ASIC2: variants seen among roughly 807,000 people sequenced by gnomAD.
The protein encoded by ASIC2 is acid-sensing ion channel 2.
ASIC2 carries 25 observed loss-of-function variants against 57.3 expected under a neutral mutation model. The ratio of observed to expected loss-of-function variants is 0.44; its 90% CI spans 0.32 to 0.61. The LOEUF is 0.61. Ranked by LOEUF, ASIC2 falls within the 20% of genes least tolerant of loss-of-function variation. ASIC2 has a pLI of 0.06. For synonymous variants in ASIC2, 319 were observed against 307.5 expected, an observed-to-expected ratio of 1.04 and a Z score of -0.39; for missense variants, 641 against 738.1, an observed-to-expected ratio of 0.87 and a Z score of 1.52.
chr17:34,055,476 C>T (rs1228941673), intron 1 of ASIC2, among the ~76,000 whole-genome samples: 4 of 152,096 alleles, frequency 2.6e-5, no homozygotes, highest in Non-Finnish European at 5.9e-5. Flanking sequence ...CTAATTTTGA[C>T]AAATGAAACT....
In ASIC2 at chr17:33,208,724, A is replaced by T. The variant is rs555559303; in HGVS notation, c.708+82684T>A. On this transcript the variant is annotated intron_variant, in intron 1 of 9. Coordinates refer to ENST00000225823, the MANE Select transcript of ASIC2 (RefSeq NM_183377.2). Reference sequence around the variant, plus strand: ...ACTTGTTCTCTATGTAAAATGCAGGATCTATGAAAGACATGATCAGTCTTG... The same window carrying T: ...ACTTGTTCTCTATGTAAAATGCAGGTTCTATGAAAGACATGATCAGTCTTG... Among the ~76,000 whole-genome samples the T allele has an allele frequency of 4.6e-5, 7 of 152,180 alleles. No individual in the cohort carries two copies. The East Asian group carries it at 1.4e-3, about 29-fold the overall frequency.
At chr17:33,357,730 T>C (rs1251473252) in intron 1 of ASIC2, among the ~76,000 whole-genome samples, 1 of 152,202 alleles carries the variant, frequency 6.6e-6, no homozygotes, top group Non-Finnish European at 1.5e-5. Flanking sequence ...GCCCTGAGTA[T>C]GTATGTGGAG....
chr17:33,463,604 G>A (rs1912714160), intron 1 of ASIC2, among the ~76,000 whole-genome samples: 1 of 152,180 alleles, frequency 6.6e-6, no homozygotes, highest in South Asian at 2.1e-4. Flanking sequence ...CATGCAATCT[G>A]CCTGCGTGAG....
chr17:33,278,696 T>A (rs991800171), intron 1 of ASIC2, among the ~76,000 whole-genome samples: 10 of 152,160 alleles, frequency 6.6e-5, no homozygotes, highest in African/African-American at 2.4e-4. Flanking sequence ...CCCTGGCCTA[T>A]GATCGTTTGC....
intron 1 of ASIC2, among the ~76,000 whole-genome samples, chr17:33,949,003 G>C (rs1160884742): frequency 1.3e-5 from 2 of 152,198 alleles, no homozygotes; most frequent in Non-Finnish European, 2.9e-5. Flanking sequence ...AGAAATGAGT[G>C]GGACTGTGTT....
At chr17:33,169,592 C>CTT (rs1905430233) in intron 1 of ASIC2, among the ~76,000 whole-genome samples, 1 of 152,246 alleles carries the variant, frequency 6.6e-6, no homozygotes, top group Non-Finnish European at 1.5e-5. Flanking sequence ...TGGCTTTGAA[C>CTT]TCAAGTCTAT....
intron 1 of ASIC2, among the ~76,000 whole-genome samples, chr17:33,343,788 A>C (rs1025200322): frequency 6.6e-6 from 1 of 151,954 alleles, no homozygotes; most frequent in African/African-American, 2.4e-5. Context: ...GGCTCCTCTC[A>C]TTATCACTAC....
intron 1 of ASIC2, among the ~76,000 whole-genome samples, chr17:33,528,972 C>T (rs561114140): frequency 3.3e-4 from 50 of 152,236 alleles, no homozygotes; most frequent in South Asian, 4.2e-4. Flanking sequence ...AGGCAGGCTC[C>T]GATTCAATGG....
chr17:33,936,640 G>C (rs1433031705), intron 1 of ASIC2: 1 of 152,170 alleles, frequency 6.6e-6, no homozygotes. Flanking sequence ...GAATTTCTTG[G>C]GGGCTCTGGA....
chr17:33,703,301 T>C (rs1908761706), intron 1 of ASIC2, among the ~76,000 whole-genome samples: 2 of 150,048 alleles, frequency 1.3e-5, no homozygotes, highest in South Asian at 4.2e-4. Context: ...AGAGACTCTT[T>C]GGTAGTTTGG....
chr17:33,802,210 C>G (rs1426717561), intron 1 of ASIC2, among the ~76,000 whole-genome samples: 6 of 152,142 alleles, frequency 3.9e-5, no homozygotes, highest in Non-Finnish European at 8.8e-5. Context: ...CAAATACTTA[C>G]CATTGTGCTA....
chr17:33,492,143 A>G (rs1312138794), intron 1 of ASIC2, among the ~76,000 whole-genome samples: 2 of 152,204 alleles, frequency 1.3e-5, no homozygotes, highest in Non-Finnish European at 2.9e-5. Context: ...GTAATAACAC[A>G]GCTAGCATGT....
At position 33,154,755 on chromosome 17, in the gene ASIC2, A is replaced by G. The variant is rs866933789; in HGVS notation, c.709-42688T>C. Among the ~76,000 whole-genome samples, 7 of 152,308 alleles carry G rather than the reference A, an allele frequency of 4.6e-5. 1 individual carries two copies. The Middle Eastern group carries it at 0.02, about 444-fold the overall frequency. ...CAAACATGCTTGGAGCTTTTTGCAAAATAAAATCGCACTTTTTATTCAATG... is the reference window on the plus strand; with the variant it reads ...CAAACATGCTTGGAGCTTTTTGCAAGATAAAATCGCACTTTTTATTCAATG... On this transcript the variant is annotated intron_variant, in intron 1 of 9. Coordinates refer to ENST00000225823, the MANE Select transcript of ASIC2 (RefSeq NM_183377.2).
chr17:34,021,142 A>G (rs1390588300), intron 1 of ASIC2, among the ~76,000 whole-genome samples: 1 of 152,088 alleles, frequency 6.6e-6, no homozygotes, highest in South Asian at 2.1e-4. Context: ...GGTACTGTGT[A>G]CACTGCTTGG....
chr17:33,512,838 G>A (rs1398187020), intron 1 of ASIC2, among the ~76,000 whole-genome samples: 3 of 152,178 alleles, frequency 2.0e-5, no homozygotes, highest in Non-Finnish European at 2.9e-5. Flanking sequence ...GTGACCTCTT[G>A]CTTCTGAGGA....
chr17:33,584,938 G>A (rs1355465770), intron 1 of ASIC2, among the ~76,000 whole-genome samples: 1 of 152,096 alleles, frequency 6.6e-6, no homozygotes. Flanking sequence ...GGGGATGGAG[G>A]GAAAACGTCA....
intron 1 of ASIC2, among the ~76,000 whole-genome samples, chr17:34,142,602 G>A (rs1396127793): frequency 6.6e-6 from 1 of 152,134 alleles, no homozygotes; most frequent in African/African-American, 2.4e-5. Context: ...TCAATAAATA[G>A]TCTCTCTCCA....
intron 1 of ASIC2, among the ~76,000 whole-genome samples, chr17:33,227,241 G>A (rs1328802181): frequency 6.6e-6 from 1 of 152,204 alleles, no homozygotes; most frequent in Non-Finnish European, 1.5e-5. Context: ...ACTGGAGGAT[G>A]TCTGATGAAA....
At chr17:33,261,959 G>T (rs1323325893) in intron 1 of ASIC2, among the ~76,000 whole-genome samples, 3 of 152,192 alleles carry the variant, frequency 2.0e-5, no homozygotes, top group African/African-American at 4.8e-5. Flanking sequence ...TGACTACCAG[G>T]GCCAGAAGAT....
Sources: allele counts gnomAD v4.1 joint callset (sites outside exome capture counted in the v4.1 genomes callset), GRCh38; gene constraint gnomAD v4.1.1; transcripts MANE v1.5; gene names NCBI Gene and HGNC (gene_info 2026-07-23, HGNC 2026-07-21).